The following ZNF746 variants were observed in gnomAD, a reference collection of about 807,000 sequenced individuals.
The protein encoded by ZNF746 is parkin-interacting substrate.
Under a neutral mutation model 41.0 loss-of-function variants are expected in ZNF746, and 13 were observed. That is an observed-to-expected ratio of 0.32 (90% CI 0.21 to 0.50). The LOEUF (loss-of-function observed/expected upper bound fraction) is 0.50, where lower values mean the gene tolerates loss of function less well. Ranked by LOEUF, ZNF746 falls within the 20% of genes least tolerant of loss-of-function variation. The pLI is 0.98. For missense variants in ZNF746, 811 were observed against 922.9 expected (o/e 0.88, Z 1.57); for synonymous variants, 424 against 396.2 (o/e 1.07, Z -0.83).
intron 1 of ZNF746, among the ~76,000 whole-genome samples, chr7:149,495,550 G>C (rs942445757): frequency 6.6e-6 from 1 of 152,114 alleles, no homozygotes; most frequent in African/African-American, 2.4e-5. Context: ...GGACCTACAG[G>C]GCACAGAGGA....
chr7:149,477,383 AC>A (rs1330369965), intron 5 of ZNF746, among the ~76,000 whole-genome samples, 180 bp downstream of exon 5: 4 of 152,108 alleles, frequency 2.6e-5, no homozygotes, highest in African/African-American at 9.7e-5. Context: ...AGCATCAGCC[AC>A]CCGAGAGAGG....
intron 4 of ZNF746, among the ~76,000 whole-genome samples, chr7:149,483,083 C>T (rs943816394): frequency 6.6e-6 from 1 of 152,156 alleles, no homozygotes; most frequent in Admixed American, 6.5e-5. Context: ...GTATTTTACA[C>T]ACTGCATTTT....
At chr7:149,487,006 A>C (rs910139702) in intron 4 of ZNF746, among the ~76,000 whole-genome samples, 1 of 152,212 alleles carries the variant, frequency 6.6e-6, no homozygotes. Flanking sequence ...GTGAAGCTTC[A>C]TCTGTAATTA....
At chr7:149,491,702 G>A (rs34063059) in intron 4 of ZNF746, 30,195 of 582,824 alleles carry the variant, frequency 0.052, 954 homozygotes, top group Non-Finnish European at 0.072. Flanking sequence ...CACAAGTGGC[G>A]CACAGGAGGG....
chr7:149,481,228 T>C (rs1800475580), intron 4 of ZNF746, among the ~76,000 whole-genome samples: 1 of 152,256 alleles, frequency 6.6e-6, no homozygotes, highest in Non-Finnish European at 1.5e-5. Flanking sequence ...GTCTTTCCAC[T>C]ACAGTTGTCC....
chr7:149,474,806 G>C lies in ZNF746; in HGVS notation c.1561C>G (p.Arg521Gly), dbSNP rs1267639154. 4 of 1,514,724 alleles carry C rather than the reference G, an allele frequency of 2.6e-6. No individual in the cohort carries two copies. The highest frequency in any genetic ancestry group is 3.5e-6 in the Non-Finnish European group (4 of 1,134,828). 93.8% of individuals were successfully genotyped at this position (1,514,724 alleles called of 1,614,324 possible). ...CCACACCGAAGGGCGCTGCCATCCC[G>C]TGCGCTGCCCCCACCGCTGCCGCCA... Reference protein sequence around the residue: ...GGGGSGGGSARDGSALRCGEC... With the variant: ...GGGGSGGGSAGDGSALRCGEC... Residue 521 changes from arginine to glycine, a missense_variant, in exon 7 of 7, where the codon CGG (arginine) becomes GGG (glycine). Arg to Gly is a moderately radical substitution (Grantham distance 125). Coordinates refer to ENST00000458143, the MANE Select transcript of ZNF746 (RefSeq NM_001394198.1). This position sits in a 1 kb window ranked among gnomAD's most constrained non-coding sequence, Gnocchi z 6.3.
At chr7:149,495,290 C>T (rs1213862019) in intron 1 of ZNF746, among the ~76,000 whole-genome samples, 4 of 152,166 alleles carry the variant, frequency 2.6e-5, no homozygotes, top group South Asian at 2.1e-4. Flanking sequence ...GTAAAAATGA[C>T]GGCCTCCGAC....
At chr7:149,496,889 T>C in intron 1 of ZNF746, 8 of 985,384 alleles carry the variant, frequency 8.1e-6, no homozygotes, top group Non-Finnish European at 8.4e-6. Context: ...CTTTTCACAC[T>C]TTCCAGCTGG....
In ZNF746 at chr7:149,474,336, G is replaced by T; in HGVS notation, c.*48C>A. 6.4e-7 allele frequency: 1 copy of T among 1,560,282 alleles called. No homozygotes were observed. The highest frequency in any genetic ancestry group is 1.2e-5 in the South Asian group (1 of 84,806). On this transcript the variant is annotated 3_prime_UTR_variant, in exon 7 of 7. Transcript: ENST00000458143. The surrounding 1 kb of genome is among the most constrained non-coding windows in gnomAD (Gnocchi z 6.3). The stretch of plus-strand genomic sequence containing the variant: ...CCACGCCGCCCTGCTGCCTGCACAC[G>T]GGGCTTTTTACACGTGCGGCCGGCA...
chr7:149,489,620 G>C (rs1292473424), intron 4 of ZNF746: 2 of 152,524 alleles, frequency 1.3e-5, no homozygotes, highest in Non-Finnish European at 2.9e-5. Context: ...AGGGCGGAGG[G>C]AACAGCACCA....
At position 149,475,502 on chromosome 7, in the gene ZNF746, CAG is replaced by C. The variant is rs746254098; in HGVS notation, c.884-21_884-20del. On this transcript the variant is annotated intron_variant, in intron 6 of 6. Coordinates refer to ENST00000458143, the MANE Select transcript of ZNF746 (RefSeq NM_001394198.1). ...ACATCTGCTGAGAAAGACAGAAAGACAGATACTGACCTGTCCCTTAACTGCTG... is the reference window on the plus strand; with the variant it reads ...ACATCTGCTGAGAAAGACAGAAAGACATACTGACCTGTCCCTTAACTGCTG... 3 of 1,602,188 alleles carry C rather than the reference CAG, an allele frequency of 1.9e-6. No homozygotes were observed. Among genetic ancestry groups the C allele is most frequent in the Non-Finnish European group, 2.6e-6 (3 of 1,173,326 alleles).
rs1403571730 is a variant in ZNF746, at chr7:149,494,611, G to A, written c.25-108C>T. 1.6e-6 allele frequency: 2 copies of A among 1,232,488 alleles called. No individual in the cohort carries two copies. The highest frequency in any genetic ancestry group is 1.5e-5 in the African/African-American group (1 of 66,172). 76.3% of individuals were successfully genotyped at this position (1,232,488 alleles called of 1,614,324 possible). On this transcript the variant is annotated intron_variant, in intron 1 of 6. Transcript: ENST00000458143. The surrounding 1 kb of genome is among the most constrained non-coding windows in gnomAD (Gnocchi z 5.6). ...GTTGGGCTGGGAGTCCATATGTGTG[G>A]ACAAGTGGGGCTATCCTATACCACA...
At chr7:149,482,711 C>T (rs1458911312) in intron 4 of ZNF746, among the ~76,000 whole-genome samples, 3 of 152,148 alleles carry the variant, frequency 2.0e-5, no homozygotes, top group African/African-American at 7.2e-5. Flanking sequence ...GTGATCCACT[C>T]GTCTCAGCCT....
At chr7:149,483,304 T>C (rs1800532600) in intron 4 of ZNF746, among the ~76,000 whole-genome samples, 1 of 152,218 alleles carries the variant, frequency 6.6e-6, no homozygotes, top group Non-Finnish European at 1.5e-5. Context: ...TAGCCTTGTA[T>C]GTTTATATTA....
intron 4 of ZNF746, among the ~76,000 whole-genome samples, chr7:149,480,654 T>C (rs150292274): frequency 6.6e-6 from 1 of 152,158 alleles, no homozygotes; most frequent in Non-Finnish European, 1.5e-5. Flanking sequence ...CAGGCTGGTC[T>C]TGAACTCCTG....
In ZNF746 at chr7:149,494,318, C is replaced by T; in HGVS notation, c.210G>A (p.Leu70=). ...TCTGCAGCAGCCCGTACTCCTGCAG[C>T]AGGGTCCCCAGCACGGCCCACTTGC... ...LEGKWAVLGT[L]LQEYGLLQRR... Residue 70 remains leucine (L), a synonymous_variant, in exon 2 of 7, where the codon CTG becomes CTA. Transcript: ENST00000458143. This position sits in a 1 kb window ranked among gnomAD's most constrained non-coding sequence, Gnocchi z 5.6. The T allele has an allele frequency of 1.9e-6, 3 of 1,614,086 alleles. No homozygotes were observed. Among genetic ancestry groups the T allele is most frequent in the Non-Finnish European group, 2.5e-6 (3 of 1,179,956 alleles).
In ZNF746 at chr7:149,494,968, CT is replaced by C. The variant is rs1208308542; in HGVS notation, c.25-466del. Among the ~76,000 whole-genome samples, 1 of 152,090 alleles carries C rather than the reference CT, an allele frequency of 6.6e-6. No homozygotes were observed. The highest frequency in any genetic ancestry group is 2.4e-5 in the African/African-American group (1 of 41,408). ...ACCTCCCCTCATGATTACACAGGAA[CT>C]GTCTACTGATGATGACCCAGCAAAA... On this transcript the variant is annotated intron_variant, in intron 1 of 6. Transcript: ENST00000458143. This position sits in a 1 kb window ranked among gnomAD's most constrained non-coding sequence, Gnocchi z 5.6.
Position 149,497,366 on chromosome 7 carries a change from C to G in ZNF746, c.24+147G>C. ...GACGGGCGCAGTAGGCCCCGGCGGA[C>G]CCCGCGCCCCATTCGCGGGAGCCCC... On this transcript the variant is annotated intron_variant, in intron 1 of 6. Coordinates refer to ENST00000458143, the MANE Select transcript of ZNF746 (RefSeq NM_001394198.1). The surrounding 1 kb of genome is among the most constrained non-coding windows in gnomAD (Gnocchi z 4.2). 1.0e-6 allele frequency: 1 copy of G among 990,860 alleles called. No homozygotes were observed. The highest frequency in any genetic ancestry group is 4.7e-5 in the South Asian group (1 of 21,208). 61.4% of individuals were successfully genotyped at this position (990,860 alleles called of 1,614,324 possible).
Position 149,491,999 on chromosome 7 carries a change from C to T in ZNF746, c.565+860G>A, listed in dbSNP as rs369147830. ...AAATAAATGTGTGCTTCTAATAATA[C>T]CAAACCATAAGGCTGACCAATGTAG... On this transcript the variant is annotated intron_variant, in intron 4 of 6. Transcript: ENST00000458143. 2.3e-5 allele frequency: 16 copies of T among 702,828 alleles called. No homozygotes were observed. The East Asian group carries it at 4.3e-4, about 19-fold the overall frequency. 43.5% of individuals were successfully genotyped at this position (702,828 alleles called of 1,614,324 possible).
Sources: gnomAD v4.1 joint callset for allele counts (sites outside exome capture counted in the v4.1 genomes callset) on GRCh38, gnomAD v4.1.1 for gene constraint, Gnocchi (gnomAD v3.1) non-coding constraint, MANE v1.5 for transcripts, NCBI Gene and HGNC (gene_info 2026-07-23, HGNC 2026-07-21) for gene names.